CCDC33: variants seen among roughly 807,000 people sequenced by gnomAD.
CCDC33 encodes the protein coiled-coil domain containing 33, also known as coiled-coil domain-containing protein 33.
Under a neutral mutation model 91.9 loss-of-function variants are expected in CCDC33, and 94 were observed. The observed-to-expected ratio is 1.02, with a 90% CI of 0.87 to 1.21. The LOEUF (loss-of-function observed/expected upper bound fraction) is 1.21, where lower values mean the gene tolerates loss of function less well. Ranked by LOEUF, CCDC33 falls within the 50% of genes most tolerant of loss-of-function variation. The probability of loss-of-function intolerance (pLI) is 0.00; values close to 1 mark genes in which losing one functional copy is unlikely to be tolerated. For missense variants in CCDC33, 940 were observed against 935.5 expected (o/e 1.00, Z -0.06); for synonymous variants, 396 against 374.5 (o/e 1.06, Z -0.66).
chr15:74,216,382 A>T (rs925262658), upstream of CCDC33, among the ~76,000 whole-genome samples: 1 of 150,956 alleles, frequency 6.6e-6, no homozygotes, highest in Non-Finnish European at 1.5e-5. Context: ...ACTGACACCC[A>T]AACAGAAGGG....
chr15:74,271,396 C>T (rs1219160735), intron 5 of CCDC33, among the ~76,000 whole-genome samples: 2 of 152,136 alleles, frequency 1.3e-5, no homozygotes, highest in East Asian at 1.9e-4. Context: ...AACCTCCCTT[C>T]CCAGGACCCA....
chr15:74,330,699 A>T lies in CCDC33; in HGVS notation c.1493A>T (p.Asp498Val). The T allele has an allele frequency of 6.2e-7, 1 of 1,613,680 alleles. No individual in the cohort carries two copies. Among genetic ancestry groups the T allele is most frequent in the Non-Finnish European group, 8.5e-7 (1 of 1,179,996 alleles). Residue 498 changes from aspartate to valine, a missense_variant, in exon 13 of 19, where the codon GAT becomes GTT. Asp to Val is a radical substitution (Grantham distance 152). Coordinates refer to ENST00000398814, the MANE Select transcript of CCDC33 (RefSeq NM_025055.5). ...MKQKLLLSEL[D>V]MKKLRDRVQH... ...CAGAAACTGCTGCTGAGTGAGCTGGATATGAAGAAACTGAGGGACAGGGTG... is the reference window on the plus strand; with the variant it reads ...CAGAAACTGCTGCTGAGTGAGCTGGTTATGAAGAAACTGAGGGACAGGGTG...
At chr15:74,324,089 C>CA (rs55758894) in intron 11 of CCDC33, among the ~76,000 whole-genome samples, 1,244 of 71,828 alleles carry the variant, frequency 0.017, 29 homozygotes, top group African/African-American at 0.05. Context: ...GACTCCATCT[C>CA]AAAAAAAAAA....
Position 74,330,212 on chromosome 15 carries a change from C to T in CCDC33, c.1314C>T (p.Ala438=), listed in dbSNP as rs2060399535. ...HDTEMNNYRR[A]MQKMAEDILS... ...AGGAGATGAACAACTACCGGCGGGC[C>T]ATGCAGAAGATGGCAGAGGACATCC... The change falls in exon 12 of 19, where the codon GCC becomes GCT. Residue 438 remains alanine, a synonymous_variant. Transcript: ENST00000398814. 2 of 1,609,466 alleles carry T rather than the reference C, an allele frequency of 1.2e-6. No individual in the cohort carries two copies. The highest frequency in any genetic ancestry group is 1.7e-4 in the Middle Eastern group (1 of 5,936).
At chr15:74,319,119 G>C (rs2060155432) in intron 11 of CCDC33, among the ~76,000 whole-genome samples, 2 of 152,198 alleles carry the variant, frequency 1.3e-5, no homozygotes, top group Admixed American at 6.5e-5. Context: ...CAGACTGGGG[G>C]CTGGGGCCGC....
chr15:74,212,465 C>G (rs2074377274), upstream of CCDC33: 2 of 152,240 alleles, frequency 1.3e-5, no homozygotes, highest in African/African-American at 4.8e-5. Context: ...AGGGATGACC[C>G]AAGACTTTCC....
intron 11 of CCDC33, among the ~76,000 whole-genome samples, chr15:74,327,322 G>A (rs4887135): frequency 0.44 from 66,762 of 152,094 alleles, 18,039 homozygotes; most frequent in Non-Finnish European, 0.6. Context: ...TTCTTTGTCT[G>A]TCAAAGCGAG....
chr15:74,208,690 C>A (rs904249049), intron 1 of CCDC33: 2 of 986,122 alleles, frequency 2.0e-6, no homozygotes, highest in African/African-American at 3.5e-5. Context: ...CACTTCCTGC[C>A]CCTAGGCTCT....
chr15:74,285,284 C>T lies in CCDC33; in HGVS notation c.1095+3435C>T, dbSNP rs189377062. Among the ~76,000 whole-genome samples, 10 of 152,334 alleles carry T rather than the reference C, an allele frequency of 6.6e-5. No homozygotes were observed. In the East Asian group the frequency reaches 1.7e-3, roughly 26 times the overall value. On this transcript the variant is annotated intron_variant, in intron 10 of 18. Coordinates refer to ENST00000398814, the MANE Select transcript of CCDC33 (RefSeq NM_025055.5). ...TTGGTGAACACAGCTTCCCCACACC[C>T]GCCACTACCACGTCACCCATTCTCA...
rs766168593 is a variant in CCDC33 at position 74,335,117 on chromosome 15, G to C, written c.2139+29G>C. On this transcript the variant is annotated intron_variant, in intron 18 of 18. Coordinates refer to ENST00000398814, the MANE Select transcript of CCDC33 (RefSeq NM_025055.5). ...AGTGACCCCCCTGGAGTAGCTCCCA[G>C]GGGTTCAGGTGGTGGAGCAGGAAGC... 3.3e-5 allele frequency: 51 copies of C among 1,554,786 alleles called. 2 individuals carry two copies. In the East Asian group the frequency reaches 1.1e-3, roughly 34 times the overall value.
At chr15:74,333,426 C>A in intron 16 of CCDC33, 2 of 871,198 alleles carry the variant, frequency 2.3e-6, no homozygotes, top group Non-Finnish European at 3.7e-6. Context: ...CATTTGGAAT[C>A]ACAGAATATT....
chr15:74,291,912 A>G (rs2066144720), intron 10 of CCDC33, among the ~76,000 whole-genome samples: 1 of 152,234 alleles, frequency 6.6e-6, no homozygotes. Flanking sequence ...CTCCCCAACC[A>G]TGGCACTCAC....
intron 11 of CCDC33, among the ~76,000 whole-genome samples, chr15:74,322,053 G>T (rs991773335): frequency 1.1e-4 from 16 of 152,190 alleles, no homozygotes; most frequent in Non-Finnish European, 2.1e-4. Flanking sequence ...CTGAAAGGGG[G>T]TCTAGCTGTG....
chr15:74,208,699 C>G (rs2074317578), intron 1 of CCDC33: 5 of 987,254 alleles, frequency 5.1e-6, no homozygotes, highest in Non-Finnish European at 6.0e-6. Flanking sequence ...CCCCTAGGCT[C>G]TGACTCCTGC....
chr15:74,209,416 G>A, exon 2 of CCDC33: 1 of 1,535,636 alleles, frequency 6.5e-7, no homozygotes, highest in Non-Finnish European at 8.7e-7. Context: ...ATTGCCAGAG[G>A]GGAACCACCA....
intron 15 of CCDC33, among the ~76,000 whole-genome samples, chr15:74,331,819 C>A (rs2060445733): frequency 6.6e-6 from 1 of 152,212 alleles, no homozygotes; most frequent in Non-Finnish European, 1.5e-5. Context: ...CACTTGAGGT[C>A]AGGAGTTCAA....
At chr15:74,286,190 G>A (rs1307134249) in intron 10 of CCDC33, among the ~76,000 whole-genome samples, 1 of 152,112 alleles carries the variant, frequency 6.6e-6, no homozygotes, top group African/African-American at 2.4e-5. Context: ...AGGTTGCAGT[G>A]AGCCAAGATC....
chr15:74,268,246 C>T lies in CCDC33; in HGVS notation c.430-96C>T. On this transcript the variant is annotated intron_variant, in intron 4 of 18. Transcript: ENST00000398814. ...AGCTCGGAGCCCCAGCGGAGCAATG[C>T]CAAGTGATTGTCTGCAGAGGGCTGG... 1.2e-5 allele frequency: 10 copies of T among 866,968 alleles called. No homozygotes were observed. The South Asian group carries it at 1.3e-4, about 12-fold the overall frequency. 53.7% of individuals were successfully genotyped at this position (866,968 alleles called of 1,614,324 possible). A position where few individuals can be genotyped will look rare whatever the true frequency, so the allele number is the denominator to read the frequency against.
chr15:74,203,210 C>G lies in CCDC33; in HGVS notation n.89+112C>G, dbSNP rs947508101. The G allele has an allele frequency of 4.1e-6, 4 of 972,676 alleles. No homozygotes were observed. In the African/African-American group the frequency reaches 7.1e-5, roughly 17 times the overall value. 60.3% of individuals were successfully genotyped at this position (972,676 alleles called of 1,614,324 possible). Reference sequence around the variant, plus strand: ...GCAACATGTGTCTCATTGGTAAACCCTTTTTGTTCCTACAAGTTGATTTCA... The same window carrying G: ...GCAACATGTGTCTCATTGGTAAACCGTTTTTGTTCCTACAAGTTGATTTCA... On this transcript the variant is annotated intron_variant and non_coding_transcript_variant, in intron 1 of 3. Transcript: ENST00000558645.
Sources: allele counts gnomAD v4.1 joint callset (sites outside exome capture counted in the v4.1 genomes callset), GRCh38; gene constraint gnomAD v4.1.1; transcripts MANE v1.5; gene names NCBI Gene and HGNC (gene_info 2026-07-23, HGNC 2026-07-21).